Variants in NCAM1 observed in about 807,000 individuals in gnomAD.
NCAM1 encodes antigen recognized by monoclonal antibody 5.1H11.
In NCAM1, 14 loss-of-function variants were observed where a neutral mutation model predicts 109.8. That is an observed-to-expected ratio of 0.13 (90% CI 0.08 to 0.20). The LOEUF (loss-of-function observed/expected upper bound fraction) is 0.20. Among genes scored for constraint, NCAM1 ranks in the 10% least tolerant of loss-of-function variants. The probability of loss-of-function intolerance (pLI) is 1.00; values close to 1 mark genes in which losing one functional copy is unlikely to be tolerated. For missense variants in NCAM1, 774 were observed against 1,109.9 expected (o/e 0.70, Z 4.30); for synonymous variants, 418 against 442.9 (o/e 0.94, Z 0.70).
At chr11:113,184,142 T>A (rs2136625629) in intron 1 of NCAM1, among the ~76,000 whole-genome samples, 1 of 152,214 alleles carries the variant, frequency 6.6e-6, no homozygotes, top group East Asian at 1.9e-4. Context: ...AAAAAATCAA[T>A]CAACAAGCAT....
chr11:113,056,220 T>C (rs1381611632), intron 1 of NCAM1, among the ~76,000 whole-genome samples: 2 of 151,370 alleles, frequency 1.3e-5, no homozygotes, highest in African/African-American at 4.9e-5. Flanking sequence ...AGTAGAATGC[T>C]GGTTACCAGT....
At chr11:112,990,098 G>T (rs191974849) in intron 1 of NCAM1, among the ~76,000 whole-genome samples, 40 of 152,294 alleles carry the variant, frequency 2.6e-4, no homozygotes, top group African/African-American at 9.4e-4. Context: ...CATGGATCCT[G>T]CTGTTTGGTC....
At chr11:113,070,086 T>C (rs1404283961) in intron 1 of NCAM1, among the ~76,000 whole-genome samples, 3 of 152,100 alleles carry the variant, frequency 2.0e-5, no homozygotes, top group Non-Finnish European at 4.4e-5. Context: ...GGGGAGTGGT[T>C]CAGGCTGAAT....
intron 1 of NCAM1, among the ~76,000 whole-genome samples, chr11:113,197,875 C>T (rs1222928226): frequency 6.6e-6 from 1 of 152,184 alleles, no homozygotes; most frequent in Non-Finnish European, 1.5e-5. Flanking sequence ...AGCACCTGAG[C>T]ATCTTTTAGG....
chr11:113,204,100 T>C lies in NCAM1; in HGVS notation c.128-186T>C, dbSNP rs75203442. ...ATTGTAAGAGGTGTTAAGTATATAA[T>C]AGTTAAATGCAGAGGCCAAAGAAGG... On this transcript the variant is annotated intron_variant, in intron 2 of 19. Coordinates refer to ENST00000316851, the MANE Select transcript of NCAM1 (RefSeq NM_181351.5). 5.4e-4 allele frequency among the ~76,000 whole-genome samples: 82 copies of C among 152,250 alleles called. 1 individual carries two copies. The East Asian group carries it at 6.4e-3, about 12-fold the overall frequency.
At chr11:113,205,464 A>G (rs1474273605) in intron 3 of NCAM1, 59 bp from the exon 4 acceptor site, 23 of 1,565,660 alleles carry the variant, frequency 1.5e-5, no homozygotes, top group Non-Finnish European at 2.0e-5. Flanking sequence ...GGCTCTAGTG[A>G]AAGGGGTTCT....
chr11:113,247,170 C>T (rs1555120397), intron 15 of NCAM1, among the ~76,000 whole-genome samples: 3 of 152,178 alleles, frequency 2.0e-5, no homozygotes, highest in Admixed American at 6.5e-5. Context: ...AAACATTTCT[C>T]GCTTACCAGA....
intron 1 of NCAM1, among the ~76,000 whole-genome samples, chr11:113,005,011 T>G (rs1171818147): frequency 6.6e-6 from 1 of 152,136 alleles, no homozygotes; most frequent in Non-Finnish European, 1.5e-5. Context: ...TGCTATCATA[T>G]TTTTTAGTTT....
At chr11:113,262,517 C>A (rs1406508148) in intron 17 of NCAM1, among the ~76,000 whole-genome samples, 3 of 152,198 alleles carry the variant, frequency 2.0e-5, no homozygotes, top group Non-Finnish European at 4.4e-5. Context: ...CCAAATTAAC[C>A]CTGCTGTGCT....
intron 1 of NCAM1, among the ~76,000 whole-genome samples, chr11:113,039,159 A>G (rs1181616851): frequency 2.0e-5 from 3 of 152,234 alleles, no homozygotes; most frequent in Non-Finnish European, 4.4e-5. Flanking sequence ...GTGAATCTGC[A>G]ATAATAATTA....
intron 3 of NCAM1, among the ~76,000 whole-genome samples, 190 bp from the exon 4 acceptor site, chr11:113,205,333 T>G (rs1438991481): frequency 1.3e-5 from 2 of 152,172 alleles, no homozygotes; most frequent in African/African-American, 4.8e-5. Flanking sequence ...AGATATTGGT[T>G]GCCAAGCATT....
intron 7 of NCAM1, among the ~76,000 whole-genome samples, chr11:113,212,814 C>T (rs782344006): frequency 1.4e-4 from 22 of 152,162 alleles, no homozygotes; most frequent in Non-Finnish European, 2.2e-4. Context: ...CCTTCCAATA[C>T]GAGTTGTAAT....
chr11:113,073,409 T>C lies in NCAM1; in HGVS notation c.52+111745T>C, dbSNP rs942887637. Among the ~76,000 whole-genome samples, 4 of 152,240 alleles carry C rather than the reference T, an allele frequency of 2.6e-5. No individual in the cohort carries two copies. The South Asian group carries it at 8.3e-4, about 32-fold the overall frequency. ...GAGCTATGTGTAGAAAAGTTATCTT[T>C]GAAATTTAGTTTAGGAAACATTTCC... On this transcript the variant is annotated intron_variant, in intron 1 of 19. Coordinates refer to ENST00000316851, the MANE Select transcript of NCAM1 (RefSeq NM_181351.5).
intron 1 of NCAM1, among the ~76,000 whole-genome samples, chr11:113,009,312 G>GTTTTTTTGTTTTTT (rs1555073910): frequency 7.5e-5 from 6 of 79,656 alleles, no homozygotes; most frequent in South Asian, 5.9e-4. Flanking sequence ...GTTTTTTCGG[G>GTTTTTTTGTTTTTT]TTTTTTTTTT....
chr11:113,015,754 A>T (rs1170532597), intron 1 of NCAM1, among the ~76,000 whole-genome samples: 1 of 152,112 alleles, frequency 6.6e-6, no homozygotes, highest in African/African-American at 2.4e-5. Context: ...ACAAAAACAA[A>T]AAAAAGAAAA....
chr11:113,270,070 C>T, intron 17 of NCAM1, 118 bp from the exon 18 acceptor site: 1 of 933,526 alleles, frequency 1.1e-6, no homozygotes, highest in Non-Finnish European at 1.7e-6. Context: ...TCACTCTGGG[C>T]ATGAATGCCA....
chr11:113,233,120 G>A lies in NCAM1; in HGVS notation c.1523-27G>A, dbSNP rs782717584. On this transcript the variant is annotated intron_variant, in intron 12 of 19. Transcript: ENST00000316851. This position sits in a 1 kb window ranked among gnomAD's most constrained non-coding sequence, Gnocchi z 4.5. Reference sequence around the variant, plus strand: ...GTCTTGGGCCAAACTGGGCTCACCTGAGTCTCCATATGTGTCTTCCCCACA... The same window carrying A: ...GTCTTGGGCCAAACTGGGCTCACCTAAGTCTCCATATGTGTCTTCCCCACA... 1 of 1,603,508 alleles carries A rather than the reference G, an allele frequency of 6.2e-7. No individual in the cohort carries two copies. The highest frequency in any genetic ancestry group is 1.3e-5 in the African/African-American group (1 of 74,698).
Position 112,961,669 on chromosome 11 carries a change from A to G in NCAM1, c.52+5A>G. On this transcript the variant is annotated splice_donor_5th_base_variant and intron_variant, in intron 1 of 19. Coordinates refer to ENST00000316851, the MANE Select transcript of NCAM1 (RefSeq NM_181351.5). The stretch of plus-strand genomic sequence containing the variant: ...TGTTTTTCCTGGGAACTGCAGGTAC[A>G]TTTTTTTTTTTTTTAATTCTCAATC... 8.3e-7 allele frequency: 1 copy of G among 1,210,776 alleles called. No individual in the cohort carries two copies. The highest frequency in any genetic ancestry group is 1.2e-6 in the Non-Finnish European group (1 of 860,640). The allele number at this position is 1,210,776 out of a possible 1,614,324, so 75.0% of individuals were successfully genotyped here.
chr11:112,995,096 C>A (rs984211902), intron 1 of NCAM1, among the ~76,000 whole-genome samples: 2 of 152,046 alleles, frequency 1.3e-5, no homozygotes, highest in Non-Finnish European at 2.9e-5. Context: ...ACATAGTCAA[C>A]ACTGAATAAA....
Sources: allele counts gnomAD v4.1 joint callset (sites outside exome capture counted in the v4.1 genomes callset), GRCh38; gene constraint gnomAD v4.1.1; non-coding constraint Gnocchi (gnomAD v3.1); transcripts MANE v1.5; gene names NCBI Gene and HGNC (gene_info 2026-07-23, HGNC 2026-07-21).